NHS: variants seen among roughly 807,000 people sequenced by gnomAD.
NHS encodes actin remodeling regulator NHS.
A neutral mutation model predicts 72.5 loss-of-function variants in NHS; 5 were observed. That is an observed-to-expected ratio of 0.07 (90% CI 0.04 to 0.14). The LOEUF is 0.14. Ranked by LOEUF, NHS falls within the 10% of genes least tolerant of loss-of-function variation. The pLI is 1.00. For missense variants in NHS, 1,072 were observed against 1,355.7 expected, an observed-to-expected ratio of 0.79 and a Z score of 3.29; for synonymous variants, 464 against 547.7, an observed-to-expected ratio of 0.85 and a Z score of 2.13.
intron 4 of NHS, among the ~76,000 whole-genome samples, chrX:17,719,806 G>C (rs770340373): frequency 2.9e-4 from 33 of 111,883 alleles, no homozygotes; most frequent in African/African-American, 1.0e-3. Flanking sequence ...AAGTGCTTTT[G>C]GCTGCTGGTC....
At chrX:17,632,079 C>T (rs2065823934) in intron 1 of NHS, among the ~76,000 whole-genome samples, 1 of 111,951 alleles carries the variant, frequency 8.9e-6, no homozygotes, top group African/African-American at 3.3e-5. Flanking sequence ...AAAGGGAGAC[C>T]TGGATATGTA....
chrX:17,566,153 A>AT (rs1371645237), intron 1 of NHS, among the ~76,000 whole-genome samples: 102 of 105,547 alleles, frequency 9.7e-4, no homozygotes, highest in African/African-American at 1.1e-3. Flanking sequence ...CTAATTTTTA[A>AT]TTTTTTTTTT....
chrX:17,641,710 G>A (rs1407924358), intron 1 of NHS, among the ~76,000 whole-genome samples: 1 of 107,435 alleles, frequency 9.3e-6, no homozygotes, highest in Non-Finnish European at 1.9e-5. Flanking sequence ...TTCTGTGAAA[G>A]AACAGTAGAA....
intron 1 of NHS, among the ~76,000 whole-genome samples, chrX:17,424,278 A>G (rs565432550): frequency 8.9e-6 from 1 of 112,379 alleles, no homozygotes; most frequent in South Asian, 3.7e-4. Flanking sequence ...GAGAACTTCC[A>G]CTGACCTAGC....
intron 1 of NHS, among the ~76,000 whole-genome samples, chrX:17,496,003 G>A (rs2065010756): frequency 9.0e-6 from 1 of 111,224 alleles, no homozygotes; most frequent in Non-Finnish European, 1.9e-5. Context: ...CCAGCCTGGA[G>A]GGAGTGGAAA....
intron 3 of NHS, among the ~76,000 whole-genome samples, chrX:17,694,749 C>T (rs967237716): frequency 3.6e-5 from 4 of 111,978 alleles, no homozygotes; most frequent in Admixed American, 2.8e-4. Context: ...GTACCTCATA[C>T]ATAAGCACTA....
At position 17,550,308 on chromosome X, in the gene NHS, C is replaced by T. The variant is rs1329698994; in HGVS notation, c.566-137434C>T. ...CTCTCAGAGACACATCCTGGGGAGA[C>T]GAATGTTTTATTGTTTGGGTGCTTT... On this transcript the variant is annotated intron_variant, in intron 1 of 8. Transcript: ENST00000676302. Among the ~76,000 whole-genome samples the T allele has an allele frequency of 2.7e-5, 3 of 111,978 alleles. No homozygotes were observed. The Admixed American group carries it at 2.8e-4, about 11-fold the overall frequency.
chrX:17,520,429 T>C (rs1243370848), intron 1 of NHS, among the ~76,000 whole-genome samples: 1 of 112,116 alleles, frequency 8.9e-6, no homozygotes, highest in East Asian at 2.8e-4. Flanking sequence ...GCTCGGAGGA[T>C]AGCATGGATT....
At chrX:17,565,790 A>C (rs1382727863) in intron 1 of NHS, among the ~76,000 whole-genome samples, 1 of 112,354 alleles carries the variant, frequency 8.9e-6, no homozygotes, top group East Asian at 2.8e-4. Context: ...TGTTCTGCCC[A>C]TGAATATACG....
chrX:17,422,602 C>T (rs779460174), intron 1 of NHS, among the ~76,000 whole-genome samples: 1 of 111,440 alleles, frequency 9.0e-6, no homozygotes, highest in South Asian at 3.9e-4. Flanking sequence ...CACTGGGTAC[C>T]AGTGGTATCT....
intron 1 of NHS, among the ~76,000 whole-genome samples, chrX:17,514,330 G>A (rs762194897): frequency 8.9e-6 from 1 of 112,482 alleles, no homozygotes; most frequent in African/African-American, 3.2e-5. Context: ...CTAGAATAAA[G>A]CAGGCAGAAG....
chrX:17,398,621 C>T (rs2064487923), intron 1 of NHS, among the ~76,000 whole-genome samples: 1 of 112,273 alleles, frequency 8.9e-6, no homozygotes, highest in African/African-American at 3.2e-5. Context: ...TTGTTCTTGT[C>T]TGTGATGAGT....
chrX:17,526,243 G>A (rs1320421390), intron 1 of NHS, among the ~76,000 whole-genome samples: 6 of 112,717 alleles, frequency 5.3e-5, no homozygotes, highest in Non-Finnish European at 1.1e-4. Context: ...CTCAGTGGTT[G>A]TTCCAGTCTG....
chrX:17,441,437 G>T (rs183312199), intron 1 of NHS, among the ~76,000 whole-genome samples: 43 of 112,217 alleles, frequency 3.8e-4, no homozygotes, highest in Non-Finnish European at 3.8e-4. Flanking sequence ...ATAAGAGTAG[G>T]TGTCATTATT....
At chrX:17,690,383 G>C (rs2066188686) in intron 2 of NHS, among the ~76,000 whole-genome samples, 1 of 112,231 alleles carries the variant, frequency 8.9e-6, no homozygotes, top group Admixed American at 9.4e-5. Context: ...TCTCTATTTG[G>C]ACAGCTGGAA....
At chrX:17,552,977 T>C (rs955611651) in intron 1 of NHS, among the ~76,000 whole-genome samples, 1 of 112,780 alleles carries the variant, frequency 8.9e-6, no homozygotes, top group Admixed American at 9.3e-5. Context: ...TCTCACAGCT[T>C]TCAGCTCTTG....
intron 1 of NHS, among the ~76,000 whole-genome samples, chrX:17,507,999 GTTGTTA>G (rs2065067555): frequency 9.0e-6 from 1 of 111,486 alleles, no homozygotes; most frequent in African/African-American, 3.3e-5. Context: ...TAAGCCTGAG[GTTGTTA>G]TTGTTATTAT....
At chrX:17,542,115 G>A (rs943323111) in intron 1 of NHS, among the ~76,000 whole-genome samples, 1 of 112,553 alleles carries the variant, frequency 8.9e-6, no homozygotes, top group Non-Finnish European at 1.9e-5. Context: ...GGTTTGACAA[G>A]TCATTGTTTG....
intron 1 of NHS, among the ~76,000 whole-genome samples, chrX:17,403,437 A>T (rs751362920): frequency 8.9e-6 from 1 of 111,747 alleles, no homozygotes; most frequent in South Asian, 3.9e-4. Context: ...GGCTGAGAGC[A>T]GGGCTGGATC....
Sources: allele counts gnomAD v4.1 joint callset (sites outside exome capture counted in the v4.1 genomes callset), GRCh38; gene constraint gnomAD v4.1.1; transcripts MANE v1.5; gene names NCBI Gene and HGNC (gene_info 2026-07-23, HGNC 2026-07-21).